HTR2C: variants seen among roughly 807,000 people sequenced by gnomAD.
HTR2C encodes 5-hydroxytryptamine receptor 2C, also known as 5-hydroxytryptamine (serotonin) receptor 2C, G protein-coupled.
HTR2C carries 5 observed loss-of-function variants against 21.0 expected under a neutral mutation model. The observed-to-expected ratio is 0.24, with a 90% CI of 0.12 to 0.50. HTR2C has a LOEUF of 0.50. Ranked by LOEUF, HTR2C falls within the 20% of genes least tolerant of loss-of-function variation. The pLI, the probability that HTR2C is intolerant of heterozygous loss-of-function variation, is 0.98. For missense variants in HTR2C, 271 were observed against 371.2 expected, an observed-to-expected ratio of 0.73 and a Z score of 2.22; for synonymous variants, 150 against 145.3, an observed-to-expected ratio of 1.03 and a Z score of -0.23.
chrX:114,807,527 T>TATATATACACCATATATATATATACC, intron 4 of HTR2C, among the ~76,000 whole-genome samples: 1 of 9,704 alleles, frequency 1.0e-4, no homozygotes, highest in South Asian at 6.5e-3. Context: ...ATATATACCA[T>TATATATACACCATATATATATATACC]ATATATATAT....
intron 4 of HTR2C, among the ~76,000 whole-genome samples, chrX:114,773,971 A>G (rs1358254130): frequency 8.9e-6 from 1 of 111,940 alleles, no homozygotes; most frequent in African/African-American, 3.2e-5. Flanking sequence ...AGATGTTCTA[A>G]CAAAGATCAA....
chrX:114,602,856 G>A (rs1434262348), intron 1 of HTR2C, among the ~76,000 whole-genome samples: 3 of 99,682 alleles, frequency 3.0e-5, no homozygotes, highest in African/African-American at 1.1e-4. Flanking sequence ...TGTAGGGAAG[G>A]CAGGGGGCCT....
chrX:114,718,210 C>T (rs1036531845), intron 2 of HTR2C, among the ~76,000 whole-genome samples: 15 of 105,032 alleles, frequency 1.4e-4, no homozygotes, highest in African/African-American at 4.5e-4. Context: ...ATTTTTTTTG[C>T]AGAGATGGCG....
chrX:114,763,608 C>T (rs2069904634), intron 4 of HTR2C, among the ~76,000 whole-genome samples: 2 of 111,333 alleles, frequency 1.8e-5, no homozygotes, highest in South Asian at 7.6e-4. Flanking sequence ...TACACTGATG[C>T]CTTAATTCCT....
chrX:114,784,715 G>A (rs2070157026), intron 4 of HTR2C, among the ~76,000 whole-genome samples: 2 of 108,811 alleles, frequency 1.8e-5, no homozygotes, highest in Non-Finnish European at 1.9e-5. Context: ...CGCCTCCCGG[G>A]TTCACGCCAT....
rs782438141 is a variant in HTR2C, at chrX:114,707,933, G to T, written c.-79-18925G>T. Among the ~76,000 whole-genome samples the T allele has an allele frequency of 4.4e-4, 48 of 109,710 alleles. No individual in the cohort carries two copies. In the South Asian group the frequency reaches 0.018, roughly 42 times the overall value. On this transcript the variant is annotated intron_variant, in intron 2 of 5. Transcript: ENST00000276198. ...AAATACTATGTAATAGTATTTCAAG[G>T]TAATACTATTTAGAAAAATGTATTA...
At chrX:114,896,124 A>G (rs2071295694) in intron 5 of HTR2C, among the ~76,000 whole-genome samples, 1 of 111,665 alleles carries the variant, frequency 9.0e-6, no homozygotes, top group Admixed American at 9.5e-5. Context: ...AGCTATTTAG[A>G]TGGTTGTAAT....
chrX:114,887,739 T>C (rs2071230158), intron 5 of HTR2C, among the ~76,000 whole-genome samples: 2 of 111,199 alleles, frequency 1.8e-5, no homozygotes, highest in Admixed American at 1.9e-4. Flanking sequence ...AGCCAGCTGT[T>C]GGCCGGGCGC....
intron 4 of HTR2C, among the ~76,000 whole-genome samples, chrX:114,764,950 TTCTA>T (rs1375543363): frequency 5.8e-5 from 6 of 103,711 alleles, no homozygotes; most frequent in Admixed American, 1.1e-4. Flanking sequence ...CCTTCCTTCC[TTCTA>T]TCTTTCTTCC....
intron 4 of HTR2C, among the ~76,000 whole-genome samples, chrX:114,805,860 A>ATACCATATG (rs2070413690): frequency 2.2e-5 from 2 of 90,609 alleles, no homozygotes; most frequent in African/African-American, 8.1e-5. Context: ...TATACCATAT[A>ATACCATATG]TATACCATAT....
chrX:114,615,380 T>A (rs1359279972), intron 2 of HTR2C, among the ~76,000 whole-genome samples: 3 of 109,345 alleles, frequency 2.7e-5, no homozygotes, highest in Admixed American at 9.8e-5. Context: ...TAAAAAAAAA[T>A]TTCATAAGGG....
chrX:114,677,041 A>G (rs1159922702), intron 2 of HTR2C, among the ~76,000 whole-genome samples: 1 of 112,039 alleles, frequency 8.9e-6, no homozygotes, highest in Non-Finnish European at 1.9e-5. Flanking sequence ...CATGTTCAAG[A>G]AACATAATAT....
At chrX:114,692,823 G>T (rs1215768922) in intron 2 of HTR2C, among the ~76,000 whole-genome samples, 1 of 111,719 alleles carries the variant, frequency 9.0e-6, no homozygotes, top group African/African-American at 3.2e-5. Flanking sequence ...TACACAGCTT[G>T]CTTTTTTTCT....
intron 5 of HTR2C, among the ~76,000 whole-genome samples, chrX:114,884,972 G>A (rs782554620): frequency 9.1e-6 from 1 of 110,236 alleles, no homozygotes; most frequent in East Asian, 2.9e-4. Flanking sequence ...CCAGCCTGGA[G>A]AATGTGCGAG....
Position 114,613,807 on chromosome X carries a change from G to A in HTR2C, c.-146-8G>A, listed in dbSNP as rs945970417. ...TCTTACTGCATTTTTCTCAATGTTT[G>A]CTTTTAGGGTTATCAGCTAACACCC... On this transcript the variant is annotated splice_polypyrimidine_tract_variant and splice_region_variant and intron_variant, in intron 1 of 5. Transcript: ENST00000276198. The A allele has an allele frequency of 7.2e-5, 8 of 111,473 alleles. No homozygotes were observed. Among genetic ancestry groups the A allele is most frequent in the African/African-American group, 2.6e-4 (8 of 30,494 alleles). 9.2% of individuals were successfully genotyped at this position (111,473 alleles called of 1,213,427 possible).
At chrX:114,819,139 A>G (rs1294640794) in intron 4 of HTR2C, among the ~76,000 whole-genome samples, 2 of 112,142 alleles carry the variant, frequency 1.8e-5, no homozygotes, top group East Asian at 5.6e-4. Context: ...TATTAAATAC[A>G]TAAATAAATG....
chrX:114,764,865 ATCTTTCTTTCTT>A (rs1234459517), intron 4 of HTR2C, among the ~76,000 whole-genome samples: 1,112 of 45,285 alleles, frequency 0.025, 36 homozygotes, highest in African/African-American at 0.064. Flanking sequence ...CATGGAATCA[ATCTTTCTTTCTT>A]TCTTTCTTTC....
chrX:114,707,690 A>T (rs192875520), intron 2 of HTR2C, among the ~76,000 whole-genome samples: 30 of 110,593 alleles, frequency 2.7e-4, no homozygotes, highest in Admixed American at 2.4e-3. Context: ...TTTACAGGCC[A>T]TTTATTCCAT....
At chrX:114,643,786 G>A (rs916314776) in intron 2 of HTR2C, among the ~76,000 whole-genome samples, 6 of 111,548 alleles carry the variant, frequency 5.4e-5, no homozygotes, top group Non-Finnish European at 9.4e-5. Flanking sequence ...TTAGTTTTTA[G>A]TCTTGTAGAG....
Sources: gnomAD v4.1 joint callset for allele counts (sites outside exome capture counted in the v4.1 genomes callset) on GRCh38, gnomAD v4.1.1 for gene constraint, MANE v1.5 for transcripts, NCBI Gene and HGNC (gene_info 2026-07-23, HGNC 2026-07-21) for gene names.